The following RNGTT variants were observed in gnomAD, a reference collection of about 807,000 sequenced individuals.
RNGTT encodes the protein RNA guanylyltransferase and 5'-phosphatase, also known as mRNA-capping enzyme.
A neutral mutation model predicts 79.3 loss-of-function variants in RNGTT; 33 were observed. The ratio of observed to expected loss-of-function variants is 0.42; its 90% CI spans 0.32 to 0.56. RNGTT has a LOEUF of 0.56. Ranked by LOEUF, RNGTT falls within the 20% of genes least tolerant of loss-of-function variation. RNGTT has a pLI of 0.17. For missense variants in RNGTT, 497 were observed against 739.1 expected (o/e 0.67, Z 3.80); for synonymous variants, 222 against 235.9 (o/e 0.94, Z 0.54).
intron 11 of RNGTT, among the ~76,000 whole-genome samples, chr6:88,838,562 C>T (rs1292874065): frequency 6.6e-6 from 1 of 151,912 alleles, no homozygotes; most frequent in Non-Finnish European, 1.5e-5. Flanking sequence ...AAAAGATGAG[C>T]AAAATCTCAT....
rs146931507 is a variant in RNGTT at position 88,750,291 on chromosome 6, C to G, written c.1439+19483G>C. 5.0e-3 allele frequency among the ~76,000 whole-genome samples: 757 copies of G among 152,208 alleles called. 5 individuals are homozygous for G. The highest frequency in any genetic ancestry group is 0.017 in the African/African-American group (700 of 41,536). On this transcript the variant is annotated intron_variant, in intron 13 of 15. Coordinates refer to ENST00000369485, the MANE Select transcript of RNGTT (RefSeq NM_003800.5). ...CTAGTAATGTCAAACAATGTAGTAA[C>G]TAGTGAGAGCAAGGGTAATATGGTA...
intron 6 of RNGTT, among the ~76,000 whole-genome samples, chr6:88,903,350 T>C (rs1783537559): frequency 6.6e-6 from 1 of 152,110 alleles, no homozygotes; most frequent in South Asian, 2.1e-4. Context: ...ACCACACTCC[T>C]GCCTGAGCAA....
intron 8 of RNGTT, among the ~76,000 whole-genome samples, chr6:88,880,808 T>TCTTCATCA (rs1782672766): frequency 6.6e-6 from 1 of 152,154 alleles, no homozygotes; most frequent in African/African-American, 2.4e-5. Flanking sequence ...TAGTTCTAAG[T>TCTTCATCA]CTTCATCACT....
Position 88,943,241 on chromosome 6 carries a change from C to G in RNGTT, c.65-2061G>C, listed in dbSNP as rs573626664. On this transcript the variant is annotated intron_variant, in intron 1 of 15. Coordinates refer to ENST00000369485, the MANE Select transcript of RNGTT (RefSeq NM_003800.5). ...CTCAGATTTGATATCCAAATCTCAACTCTTAATACTCAAACTCTAAAACCT... is the reference window on the plus strand; with the variant it reads ...CTCAGATTTGATATCCAAATCTCAAGTCTTAATACTCAAACTCTAAAACCT... Among the ~76,000 whole-genome samples the G allele has an allele frequency of 3.3e-5, 5 of 152,296 alleles. No individual in the cohort carries two copies. The South Asian group carries it at 1.0e-3, about 32-fold the overall frequency.
rs35623392 is a variant in RNGTT, at chr6:88,704,259, CAA to C, written c.1440-25842_1440-25841del. On this transcript the variant is annotated intron_variant, in intron 13 of 15. Coordinates refer to ENST00000369485, the MANE Select transcript of RNGTT (RefSeq NM_003800.5). ...TGGGTGACAGAGCGAGACTCTGTCT[CAA>C]AAAAAAAAAAAAAAAAAAAAAAAAA... Among the ~76,000 whole-genome samples the C allele has an allele frequency of 7.9e-3, 385 of 48,624 alleles. 1 individual carries two copies. The highest frequency in any genetic ancestry group is 0.024 in the African/African-American group (363 of 14,966). The allele number at this position is 48,624 out of a possible 152,430, so 31.9% of individuals were successfully genotyped here. A position where few individuals can be genotyped will look rare whatever the true frequency, so the allele number is the denominator to read the frequency against.
chr6:88,870,537 G>A (rs1782321354), intron 8 of RNGTT, among the ~76,000 whole-genome samples: 1 of 151,050 alleles, frequency 6.6e-6, no homozygotes, highest in African/African-American at 2.4e-5. Flanking sequence ...AATCCAAATG[G>A]GATAAAAGAG....
In RNGTT at chr6:88,611,686, C is replaced by T. The variant is rs978352058; in HGVS notation, c.*1033G>A. The T allele has an allele frequency of 2.0e-5, 3 of 152,570 alleles. No homozygotes were observed. Among genetic ancestry groups the T allele is most frequent in the African/African-American group, 7.2e-5 (3 of 41,462 alleles). 9.5% of individuals were successfully genotyped at this position (152,570 alleles called of 1,614,324 possible). A position where few individuals can be genotyped will look rare whatever the true frequency, so the allele number is the denominator to read the frequency against. ...AGTTCCTACAGATGTCTACACTTTG[C>T]CTCTGCATTTATCTAGCAGTGGGAG... On this transcript the variant is annotated 3_prime_UTR_variant, in exon 16 of 16. Transcript: ENST00000369485.
intron 14 of RNGTT, among the ~76,000 whole-genome samples, chr6:88,641,139 G>A (rs1469349757): frequency 6.6e-6 from 1 of 152,092 alleles, no homozygotes; most frequent in East Asian, 1.9e-4. Context: ...AGGAGTCTGA[G>A]ACCAGAGTGG....
chr6:88,822,267 C>T (rs1562270044), intron 11 of RNGTT, among the ~76,000 whole-genome samples: 2 of 151,978 alleles, frequency 1.3e-5, no homozygotes, highest in Non-Finnish European at 2.9e-5. Context: ...GATTTCCCCT[C>T]GAGATGATAG....
At chr6:88,701,528 C>CA (rs1327726629) in intron 13 of RNGTT, among the ~76,000 whole-genome samples, 1 of 129,438 alleles carries the variant, frequency 7.7e-6, no homozygotes, top group African/African-American at 4.9e-5. Context: ...AATGCAACAA[C>CA]AAAAAATTAT....
chr6:88,939,211 C>G (rs9451107), intron 2 of RNGTT, among the ~76,000 whole-genome samples: 5,222 of 152,244 alleles, frequency 0.034, 319 homozygotes, highest in African/African-American at 0.12. Flanking sequence ...CTTTTGTTCT[C>G]TCTTCATCTT....
chr6:88,866,910 G>A, intron 8 of RNGTT, among the ~76,000 whole-genome samples: 1 of 152,278 alleles, frequency 6.6e-6, no homozygotes, highest in East Asian at 1.9e-4. Flanking sequence ...ATGGGACCTT[G>A]TAAAAACCAC....
intron 13 of RNGTT, among the ~76,000 whole-genome samples, chr6:88,718,116 G>A (rs993911324): frequency 4.6e-5 from 7 of 152,152 alleles, no homozygotes; most frequent in African/African-American, 1.7e-4. Context: ...TTTATAGCTA[G>A]GTGTGGTGAC....
intron 14 of RNGTT, among the ~76,000 whole-genome samples, chr6:88,634,034 C>G (rs1424207438): frequency 6.6e-6 from 1 of 152,130 alleles, no homozygotes; most frequent in Non-Finnish European, 1.5e-5. Context: ...GATAATGACT[C>G]ATCCATCCAG....
At chr6:88,887,690 G>A (rs550019573) in intron 8 of RNGTT, among the ~76,000 whole-genome samples, 20 of 152,272 alleles carry the variant, frequency 1.3e-4, no homozygotes, top group African/African-American at 4.8e-4. Flanking sequence ...CACAGAGAAA[G>A]GGGTACACAA....
intron 8 of RNGTT, among the ~76,000 whole-genome samples, chr6:88,875,477 TA>T (rs901820444): frequency 6.6e-6 from 1 of 152,070 alleles, no homozygotes; most frequent in Non-Finnish European, 1.5e-5. Flanking sequence ...TCTATTAGCA[TA>T]AAACAGTAAA....
At chr6:88,699,225 C>A (rs748486242) in intron 13 of RNGTT, among the ~76,000 whole-genome samples, 1 of 152,146 alleles carries the variant, frequency 6.6e-6, no homozygotes, top group African/African-American at 2.4e-5. Context: ...CTTTTCCTCA[C>A]ACAAATTTAT....
At chr6:88,919,258 T>C (rs907991058) in intron 4 of RNGTT, among the ~76,000 whole-genome samples, 5 of 152,212 alleles carry the variant, frequency 3.3e-5, no homozygotes, top group Admixed American at 1.3e-4. Context: ...GCCACAGTTT[T>C]TAACTAAATA....
chr6:88,747,771 A>C (rs1218391331), intron 13 of RNGTT, among the ~76,000 whole-genome samples: 1 of 152,240 alleles, frequency 6.6e-6, no homozygotes, highest in Admixed American at 6.5e-5. Flanking sequence ...GATGACCTGC[A>C]GAAGAATCTG....
Sources: allele counts gnomAD v4.1 joint callset (sites outside exome capture counted in the v4.1 genomes callset), GRCh38; gene constraint gnomAD v4.1.1; transcripts MANE v1.5; gene names NCBI Gene and HGNC (gene_info 2026-07-23, HGNC 2026-07-21).